Variants in SHROOM2 observed in about 807,000 individuals in gnomAD.
SHROOM2 encodes the protein shroom family member 2.
In SHROOM2, 33 loss-of-function variants were observed where a neutral mutation model predicts 75.9. That is an observed-to-expected ratio of 0.43 (90% confidence interval 0.33 to 0.58). SHROOM2 has a LOEUF of 0.58. SHROOM2 is among the 20% of genes least tolerant of loss of function. The probability of loss-of-function intolerance (pLI) is 0.04; values close to 1 mark genes in which losing one functional copy is unlikely to be tolerated. For synonymous variants in SHROOM2, 655 were observed against 663.6 expected, an observed-to-expected ratio of 0.99 and a Z score of 0.20; for missense variants, 1,434 against 1,461.2, an observed-to-expected ratio of 0.98 and a Z score of 0.30.
rs145948931 is a variant in SHROOM2 at position 9,908,304 on chromosome X, C to G, written c.2891+10014C>G. Among the ~76,000 whole-genome samples, 579 of 111,821 alleles carry G rather than the reference C, an allele frequency of 5.2e-3. 3 individuals are homozygous for G. Among genetic ancestry groups the G allele is most frequent in the African/African-American group, 0.018 (546 of 30,693 alleles). ...ATGCCCCTCAATTCATGGAAAGTGACTCAGAAAAGTTCAAGGTTTCACCAA... is the reference window on the plus strand; with the variant it reads ...ATGCCCCTCAATTCATGGAAAGTGAGTCAGAAAAGTTCAAGGTTTCACCAA... On this transcript the variant is annotated intron_variant, in intron 5 of 9. Coordinates refer to ENST00000380913, the MANE Select transcript of SHROOM2 (RefSeq NM_001649.4).
chrX:9,847,741 T>G, intron 1 of SHROOM2, among the ~76,000 whole-genome samples: 1 of 111,999 alleles, frequency 8.9e-6, no homozygotes, highest in Non-Finnish European at 1.9e-5. Context: ...TGCATTCTGG[T>G]AATGCCTAAA....
chrX:9,884,096 C>G (rs1249309529), intron 2 of SHROOM2, among the ~76,000 whole-genome samples: 1 of 111,745 alleles, frequency 8.9e-6, no homozygotes, highest in African/African-American at 3.3e-5. Context: ...AAAAGCCCCC[C>G]ACGTATGTAA....
chrX:9,858,222 C>T (rs189275572), intron 1 of SHROOM2, among the ~76,000 whole-genome samples: 12 of 111,778 alleles, frequency 1.1e-4, no homozygotes, highest in African/African-American at 3.9e-4. Context: ...CGGCTCAGTG[C>T]CCCCTAGGCC....
At chrX:9,861,513 G>A (rs962956585) in intron 1 of SHROOM2, among the ~76,000 whole-genome samples, 1 of 111,803 alleles carries the variant, frequency 8.9e-6, no homozygotes, top group African/African-American at 3.3e-5. Flanking sequence ...TGATTTCCTC[G>A]TGTTATGATG....
intron 1 of SHROOM2, among the ~76,000 whole-genome samples, chrX:9,796,162 A>G (rs904825792): frequency 7.2e-5 from 8 of 111,593 alleles, no homozygotes; most frequent in African/African-American, 2.6e-4. Flanking sequence ...ATCCTGATTC[A>G]TTAAGAATTT....
intron 1 of SHROOM2, among the ~76,000 whole-genome samples, chrX:9,802,328 C>T (rs753662626): frequency 8.9e-6 from 1 of 112,106 alleles, no homozygotes; most frequent in South Asian, 3.7e-4. Flanking sequence ...CAGCCCCTGC[C>T]CCATACCTGC....
chrX:9,875,410 C>T (rs1049694668), intron 2 of SHROOM2, among the ~76,000 whole-genome samples: 8 of 110,982 alleles, frequency 7.2e-5, no homozygotes, highest in Non-Finnish European at 1.5e-4. Context: ...AGAGGTAAGA[C>T]GAGGAGTTAT....
At chrX:9,914,759 C>T (rs918467019) in intron 5 of SHROOM2, among the ~76,000 whole-genome samples, 2 of 111,995 alleles carry the variant, frequency 1.8e-5, no homozygotes, top group African/African-American at 3.2e-5. Flanking sequence ...AAACTGGGGG[C>T]GGGGTGACTA....
chrX:9,888,137 ACT>A (rs1365007346), intron 2 of SHROOM2, among the ~76,000 whole-genome samples: 1 of 112,262 alleles, frequency 8.9e-6, no homozygotes, highest in African/African-American at 3.2e-5. Context: ...GCTGCGACTC[ACT>A]CTCTCCCTTC....
chrX:9,836,723 G>A (rs765830755), intron 1 of SHROOM2, among the ~76,000 whole-genome samples: 23 of 110,815 alleles, frequency 2.1e-4, no homozygotes, highest in South Asian at 3.9e-4. Context: ...CACTGTTGCC[G>A]GCCAATTTCT....
intron 1 of SHROOM2, among the ~76,000 whole-genome samples, chrX:9,803,887 A>G (rs1208478612): frequency 9.0e-6 from 1 of 111,166 alleles, no homozygotes; most frequent in Non-Finnish European, 1.9e-5. Flanking sequence ...GGTTCTCGAC[A>G]GGTATTGTTT....
intron 4 of SHROOM2, among the ~76,000 whole-genome samples, chrX:9,897,389 G>GA (rs1160062616): frequency 9.1e-6 from 1 of 109,502 alleles, no homozygotes. Context: ...ACATCTCAAA[G>GA]AAAAAAATGT....
In SHROOM2 at chrX:9,822,753, C is replaced by T. The variant is rs746116299; in HGVS notation, c.165+36043C>T. ...GGCCAAATCTGGTGCAGACCAGCTC[C>T]TCTCTGCCCAGGTGTGGCTAGGCTG... On this transcript the variant is annotated intron_variant, in intron 1 of 9. Transcript: ENST00000380913. 7.1e-5 allele frequency among the ~76,000 whole-genome samples: 8 copies of T among 112,028 alleles called. No individual in the cohort carries two copies. The East Asian group carries it at 2.3e-3, about 32-fold the overall frequency.
intron 5 of SHROOM2, among the ~76,000 whole-genome samples, chrX:9,928,830 A>G (rs1191658940): frequency 8.9e-6 from 1 of 112,401 alleles, no homozygotes; most frequent in Non-Finnish European, 1.9e-5. Context: ...ACACATGCAA[A>G]CAACCAGACA....
At chrX:9,798,113 C>T (rs1267538288) in intron 1 of SHROOM2, among the ~76,000 whole-genome samples, 2 of 110,804 alleles carry the variant, frequency 1.8e-5, no homozygotes, top group African/African-American at 6.6e-5. Flanking sequence ...GTGGAGCTGG[C>T]GGAGTGGGAG....
Position 9,898,308 on chromosome X carries a change from T to C in SHROOM2, c.2891+18T>C, listed in dbSNP as rs1325328663. ...ACGCCGAGGTGGGTGAAATTTGGAT[T>C]CAGAGTTACTGAAGAGGCGTCTGAG... On this transcript the variant is annotated intron_variant, in intron 5 of 9. Transcript: ENST00000380913. 6.3e-6 allele frequency: 7 copies of C among 1,113,767 alleles called. No individual in the cohort carries two copies. The highest frequency in any genetic ancestry group is 8.5e-6 in the Non-Finnish European group (7 of 825,481). The allele number at this position is 1,113,767 out of a possible 1,213,427, so 91.8% of individuals were successfully genotyped here.
intron 1 of SHROOM2, among the ~76,000 whole-genome samples, chrX:9,862,809 G>A (rs2084111943): frequency 8.9e-6 from 1 of 112,760 alleles, no homozygotes; most frequent in South Asian, 3.6e-4. Flanking sequence ...GGATGCAGAG[G>A]CAATGCATTG....
In SHROOM2 at chrX:9,947,880, G is replaced by T. The variant is rs886129; in HGVS notation, c.*943G>T. The T allele has an allele frequency of 0.39, 43,741 of 111,257 alleles. 7,989 individuals carry two copies. Among genetic ancestry groups the T allele is most frequent in the African/African-American group, 0.71 (21,742 of 30,505 alleles). 9.2% of individuals were successfully genotyped at this position (111,257 alleles called of 1,213,427 possible). Reference sequence around the variant, plus strand: ...CATGGCATGAGGGCCACATTCCATGGACGGGAAGACCCCTTCCTCTTCAGA... The same window carrying T: ...CATGGCATGAGGGCCACATTCCATGTACGGGAAGACCCCTTCCTCTTCAGA... On this transcript the variant is annotated 3_prime_UTR_variant, in exon 10 of 10. Transcript: ENST00000380913.
intron 5 of SHROOM2, among the ~76,000 whole-genome samples, chrX:9,923,469 G>A (rs113676925): frequency 0.019 from 2,107 of 112,502 alleles, 51 homozygotes; most frequent in African/African-American, 0.064. Context: ...TGGGAGTTCC[G>A]GAGGGAGAGT....
Sources: gnomAD v4.1 joint callset for allele counts (sites outside exome capture counted in the v4.1 genomes callset) on GRCh38, gnomAD v4.1.1 for gene constraint, MANE v1.5 for transcripts, NCBI Gene and HGNC (gene_info 2026-07-23, HGNC 2026-07-21) for gene names.